The following PKHD1 variants were observed in gnomAD, a reference collection of about 807,000 sequenced individuals.
The protein encoded by PKHD1 is fibrocystin.
Under a neutral mutation model 412.0 loss-of-function variants are expected in PKHD1, and 291 were observed. The ratio of observed to expected loss-of-function variants is 0.71; its 90% CI spans 0.64 to 0.78. The LOEUF is 0.78. Ranked by LOEUF, PKHD1 falls within the 30% of genes least tolerant of loss-of-function variation. The probability of loss-of-function intolerance (pLI) is 0.00; values close to 1 mark genes in which losing one functional copy is unlikely to be tolerated. For missense variants in PKHD1, 4,825 were observed against 4,950.7 expected, an observed-to-expected ratio of 0.97 and a Z score of 0.76; for synonymous variants, 1,777 against 1,821.5, an observed-to-expected ratio of 0.98 and a Z score of 0.62.
rs147601792 is a variant in PKHD1, at chr6:52,048,723, G to T, written c.2280-104C>A. On this transcript the variant is annotated intron_variant, in intron 22 of 66. Transcript: ENST00000371117. ...GTCTTGCTTAGGCTGCAGCCTTCCA[G>T]AAAGAGCTAAGGGACCTGAGGAAAC... 1,109 of 1,394,568 alleles carry T rather than the reference G, an allele frequency of 8.0e-4. 11 individuals carry two copies. In the African/African-American group the frequency reaches 0.014, roughly 17 times the overall value. The allele number at this position is 1,394,568 out of a possible 1,614,324, so 86.4% of individuals were successfully genotyped here. A position where few individuals can be genotyped will look rare whatever the true frequency, so the allele number is the denominator to read the frequency against.
At chr6:51,780,887 C>G (rs975443824) in intron 53 of PKHD1, among the ~76,000 whole-genome samples, 3 of 152,148 alleles carry the variant, frequency 2.0e-5, no homozygotes, top group African/African-American at 7.2e-5. Context: ...GAATCCAAAG[C>G]AACAAATTGT....
At chr6:51,899,676 G>A (rs1364446713) in intron 43 of PKHD1, among the ~76,000 whole-genome samples, 4 of 151,796 alleles carry the variant, frequency 2.6e-5, no homozygotes, top group Non-Finnish European at 4.4e-5. Context: ...GGGCAATTAG[G>A]CAGGAGAAGG....
chr6:52,078,236 C>T (rs576732374), intron 5 of PKHD1, among the ~76,000 whole-genome samples: 10 of 152,246 alleles, frequency 6.6e-5, no homozygotes, highest in African/African-American at 1.9e-4. Flanking sequence ...TAACATGGTA[C>T]GTTTCTAAGA....
chr6:52,005,086 T>C (rs1365247119), intron 35 of PKHD1, among the ~76,000 whole-genome samples: 3 of 152,150 alleles, frequency 2.0e-5, no homozygotes, highest in Admixed American at 6.5e-5. Context: ...CACAGAGAAA[T>C]GGAACCCAAA....
intron 60 of PKHD1, among the ~76,000 whole-genome samples, chr6:51,663,474 A>C (rs565131295): frequency 6.6e-6 from 1 of 152,280 alleles, no homozygotes; most frequent in East Asian, 1.9e-4. Flanking sequence ...ATGTAATTTG[A>C]TAAATCACAT....
At chr6:51,850,175 A>G (rs936868007) in intron 49 of PKHD1, among the ~76,000 whole-genome samples, 1 of 152,024 alleles carries the variant, frequency 6.6e-6, no homozygotes, top group African/African-American at 2.4e-5. Flanking sequence ...GCTTGTTTTT[A>G]TGAGGTTTGT....
At chr6:51,698,879 A>G (rs370037082) in intron 60 of PKHD1, among the ~76,000 whole-genome samples, 20 of 152,202 alleles carry the variant, frequency 1.3e-4, no homozygotes, top group East Asian at 7.7e-4. Flanking sequence ...TTATAGGCAA[A>G]TATCCTTTTT....
intron 60 of PKHD1, among the ~76,000 whole-genome samples, chr6:51,678,306 GT>G (rs1776162111): frequency 6.6e-6 from 1 of 152,126 alleles, no homozygotes; most frequent in Non-Finnish European, 1.5e-5. Flanking sequence ...AGAGGGCTAA[GT>G]TAGATGACGT....
intron 52 of PKHD1, among the ~76,000 whole-genome samples, chr6:51,807,479 A>ATATGTGTGTGTGTGTG (rs1451342734): frequency 9.7e-6 from 1 of 103,488 alleles, no homozygotes; most frequent in African/African-American, 5.0e-5. Context: ...ATATATATAT[A>ATATGTGTGTGTGTGTG]TGTATATGTG....
At position 52,025,590 on chromosome 6, in the gene PKHD1, A is replaced by C. The variant is rs1464962854; in HGVS notation, c.4220T>G (p.Leu1407Arg). The stretch of plus-strand genomic sequence containing the variant: ...GTTAAGAAGCAACCCCCTCACAGTA[A>C]GTATGGTCCCACCACATGCCGAACC... ...SQGSACGGTILTVRGLLLNSR... is the reference protein window; with the variant it reads ...SQGSACGGTIRTVRGLLLNSR... The change falls in exon 32 of 67, where the codon CTT becomes CGT. Residue 1407 changes from leucine to arginine, a missense_variant. Transcript: ENST00000371117. 3 of 1,614,186 alleles carry C rather than the reference A, an allele frequency of 1.9e-6. No homozygotes were observed. The highest frequency in any genetic ancestry group is 2.5e-6 in the Non-Finnish European group (3 of 1,180,036).
intron 35 of PKHD1, among the ~76,000 whole-genome samples, chr6:51,986,505 G>A (rs1796234981): frequency 6.6e-6 from 1 of 152,174 alleles, no homozygotes; most frequent in African/African-American, 2.4e-5. Context: ...TACAGTCATG[G>A]GCCATTTAGC....
At chr6:51,647,201 A>G (rs879734888) in intron 63 of PKHD1, among the ~76,000 whole-genome samples, 4 of 152,216 alleles carry the variant, frequency 2.6e-5, no homozygotes, top group Non-Finnish European at 4.4e-5. Flanking sequence ...TAATAAATTA[A>G]TATGTGTCTC....
chr6:51,820,056 C>G (rs1766118876), intron 52 of PKHD1, among the ~76,000 whole-genome samples: 1 of 152,166 alleles, frequency 6.6e-6, no homozygotes, highest in Admixed American at 6.5e-5. Context: ...GTCTGGATAT[C>G]CAAGATAGAT....
chr6:51,637,996 GGCCC>G (rs1328967979), intron 64 of PKHD1, among the ~76,000 whole-genome samples: 1 of 152,042 alleles, frequency 6.6e-6, no homozygotes, highest in Non-Finnish European at 1.5e-5. Context: ...ATTTTCAAAA[GGCCC>G]GTTGAAAGTT....
chr6:51,917,322 C>T (rs1350568276), intron 37 of PKHD1, among the ~76,000 whole-genome samples: 1 of 152,042 alleles, frequency 6.6e-6, no homozygotes, highest in Non-Finnish European at 1.5e-5. Flanking sequence ...CAAATTATTT[C>T]CCCCTTATTT....
chr6:51,900,995 A>G (rs539904724), intron 43 of PKHD1, among the ~76,000 whole-genome samples: 1 of 151,116 alleles, frequency 6.6e-6, no homozygotes, highest in Non-Finnish European at 1.5e-5. Flanking sequence ...TTAGAATGGC[A>G]ATCATTAAAA....
intron 37 of PKHD1, among the ~76,000 whole-genome samples, chr6:51,923,513 A>G (rs1785039221): frequency 6.7e-6 from 1 of 150,014 alleles, no homozygotes; most frequent in South Asian, 2.1e-4. Context: ...AAATGTGAAA[A>G]AAAAGAAAAA....
At chr6:51,830,552 G>A (rs1442029714) in intron 52 of PKHD1, among the ~76,000 whole-genome samples, 1 of 152,066 alleles carries the variant, frequency 6.6e-6, no homozygotes, top group Non-Finnish European at 1.5e-5. Context: ...AAGGATACTA[G>A]AACCTGTAAA....
At chr6:51,797,295 T>A (rs1176594991) in intron 52 of PKHD1, among the ~76,000 whole-genome samples, 2 of 152,248 alleles carry the variant, frequency 1.3e-5, no homozygotes, top group East Asian at 1.9e-4. Flanking sequence ...GGTGGAGAGG[T>A]CTATAGATAT....
Sources: allele counts gnomAD v4.1 joint callset (sites outside exome capture counted in the v4.1 genomes callset), GRCh38; gene constraint gnomAD v4.1.1; transcripts MANE v1.5; gene names NCBI Gene and HGNC (gene_info 2026-07-23, HGNC 2026-07-21).